The following XXYLT1 variants were observed in gnomAD, a reference collection of about 807,000 sequenced individuals.
The protein encoded by XXYLT1 is xyloside xylosyltransferase 1, also known as UDP-xylose:alpha-xyloside alpha-1,3-xylosyltransferase.
In XXYLT1, 20 loss-of-function variants were observed where a neutral mutation model predicts 28.9. The observed-to-expected ratio is 0.69, with a 90% CI of 0.49 to 1.00. The LOEUF is 1.00. Among genes scored for constraint, XXYLT1 ranks in the 50% least tolerant of loss-of-function variants. The pLI is 0.00. For synonymous variants in XXYLT1, 257 were observed against 253.8 expected (o/e 1.01, Z -0.12); for missense variants, 542 against 560.1 (o/e 0.97, Z 0.33).
chr3:195,200,305 C>A (rs1232734604), intron 2 of XXYLT1, among the ~76,000 whole-genome samples: 1 of 152,216 alleles, frequency 6.6e-6, no homozygotes, highest in Non-Finnish European at 1.5e-5. Context: ...GCTGGGTGAC[C>A]CTGGCCATGT....
At chr3:195,143,825 TATATAGATATAG>T (rs1202804932) in intron 3 of XXYLT1, among the ~76,000 whole-genome samples, 12 of 93,858 alleles carry the variant, frequency 1.3e-4, no homozygotes, top group African/African-American at 4.8e-4. Context: ...GATATAGATA[TATATAGATATAG>T]ATATAGATAT....
chr3:195,151,565 A>G (rs1317583913), intron 3 of XXYLT1, among the ~76,000 whole-genome samples: 1 of 151,928 alleles, frequency 6.6e-6, no homozygotes, highest in Non-Finnish European at 1.5e-5. Context: ...TTAAATTTCA[A>G]TATACAATAA....
chr3:195,092,866 G>A (rs1457093771), intron 3 of XXYLT1, among the ~76,000 whole-genome samples: 3 of 110,240 alleles, frequency 2.7e-5, no homozygotes, highest in Non-Finnish European at 5.1e-5. Context: ...AAAAGTGGGC[G>A]AAGGACATGA....
intron 2 of XXYLT1, among the ~76,000 whole-genome samples, chr3:195,206,693 T>C (rs1338379385): frequency 6.6e-6 from 1 of 151,448 alleles, no homozygotes; most frequent in Non-Finnish European, 1.5e-5. Flanking sequence ...CACTTGAACC[T>C]GGAAGGCAGA....
rs1163753322 is a variant in XXYLT1 at position 195,150,840 on chromosome 3, TCTCTCACACA to T, written c.785+5599_785+5608del. ...CACACACACTCACACATACGCACAC[TCTCTCACACA>T]CTCTCACACACACACACACTCTCTC... On this transcript the variant is annotated intron_variant, in intron 3 of 3. Coordinates refer to ENST00000310380, the MANE Select transcript of XXYLT1 (RefSeq NM_152531.5). The surrounding 1 kb of genome is among the most constrained non-coding windows in gnomAD (Gnocchi z 4.7). 1.3e-3 allele frequency among the ~76,000 whole-genome samples: 140 copies of T among 104,654 alleles called. 1 individual carries two copies. Among genetic ancestry groups the T allele is most frequent in the African/African-American group, 5.8e-3 (130 of 22,392 alleles). The allele number at this position is 104,654 out of a possible 152,430, so 68.7% of individuals were successfully genotyped here.
chr3:195,155,006 C>A (rs1024147695), intron 3 of XXYLT1, among the ~76,000 whole-genome samples: 2 of 152,194 alleles, frequency 1.3e-5, no homozygotes, highest in African/African-American at 4.8e-5. Context: ...GTTAAGATGG[C>A]AGGTGTCTGC....
At chr3:195,118,355 T>C (rs565349431) in intron 3 of XXYLT1, among the ~76,000 whole-genome samples, 5 of 152,272 alleles carry the variant, frequency 3.3e-5, no homozygotes, top group African/African-American at 1.2e-4. Context: ...CCTTCTAATT[T>C]CCTTAGGAGC....
chr3:195,215,981 C>G (rs2108786854), intron 2 of XXYLT1, among the ~76,000 whole-genome samples: 1 of 151,518 alleles, frequency 6.6e-6, no homozygotes, highest in Admixed American at 6.6e-5. Context: ...TCTCTCAGAC[C>G]ACAGTGCAAT....
intron 2 of XXYLT1, among the ~76,000 whole-genome samples, chr3:195,190,723 G>A (rs949410908): frequency 6.6e-5 from 10 of 151,912 alleles, no homozygotes; most frequent in Admixed American, 2.0e-4. Flanking sequence ...GGTTTATAAC[G>A]TATATAAACA....
intron 1 of XXYLT1, among the ~76,000 whole-genome samples, chr3:195,262,630 T>G (rs147547962): frequency 2.2e-3 from 328 of 152,284 alleles, no homozygotes; most frequent in Middle Eastern, 6.8e-3. Flanking sequence ...CCCACAGATT[T>G]TATAAATCCC....
intron 3 of XXYLT1, among the ~76,000 whole-genome samples, chr3:195,097,813 C>T (rs113684386): frequency 6.6e-6 from 1 of 152,074 alleles, no homozygotes; most frequent in African/African-American, 2.4e-5. Context: ...ACACAAATGC[C>T]CCCACCCCCC....
chr3:195,192,352 G>A (rs1295394643), intron 2 of XXYLT1, among the ~76,000 whole-genome samples: 1 of 151,300 alleles, frequency 6.6e-6, no homozygotes, highest in East Asian at 1.9e-4. Flanking sequence ...TTGAACCCAG[G>A]AAGCAGAGGT....
At chr3:195,167,888 T>C (rs972326394) in intron 2 of XXYLT1, among the ~76,000 whole-genome samples, 3 of 152,170 alleles carry the variant, frequency 2.0e-5, no homozygotes, top group African/African-American at 7.2e-5. Flanking sequence ...ATCCAAGTAC[T>C]TGAGGCAGCA....
Position 195,068,891 on chromosome 3 carries a change from T to C in XXYLT1, c.*824A>G, listed in dbSNP as rs1236349968. The C allele has an allele frequency of 2.0e-5, 3 of 152,174 alleles. No individual in the cohort carries two copies. The highest frequency in any genetic ancestry group is 4.4e-5 in the Non-Finnish European group (3 of 68,054). The allele number at this position is 152,174 out of a possible 1,614,324, so 9.4% of individuals were successfully genotyped here. ...ACGACTGTGCCCGGCCTGGGCTTTT[T>C]GGAATGAGTCTTCCTGGTCCCGACA... On this transcript the variant is annotated 3_prime_UTR_variant, in exon 4 of 4. Coordinates refer to ENST00000310380, the MANE Select transcript of XXYLT1 (RefSeq NM_152531.5).
intron 1 of XXYLT1, among the ~76,000 whole-genome samples, chr3:195,261,199 G>C (rs1317685511): frequency 6.6e-6 from 1 of 152,126 alleles, no homozygotes; most frequent in Admixed American, 6.5e-5. Flanking sequence ...TTGGGAGGCG[G>C]AGGCGGGCGG....
chr3:195,245,419 A>T (rs187248241), intron 1 of XXYLT1, among the ~76,000 whole-genome samples: 2 of 151,950 alleles, frequency 1.3e-5, no homozygotes, highest in African/African-American at 4.8e-5. Context: ...GGCCTCCCAA[A>T]GTGCTGGGAT....
rs1186006150 is a variant in XXYLT1, at chr3:195,150,664, G to A, written c.785+5785C>T. On this transcript the variant is annotated intron_variant, in intron 3 of 3. Coordinates refer to ENST00000310380, the MANE Select transcript of XXYLT1 (RefSeq NM_152531.5). The surrounding 1 kb of genome is among the most constrained non-coding windows in gnomAD (Gnocchi z 4.7). ...CACACGGCTGCCCGCAGAGCCTGGG[G>A]AGAATGAAACCGGAAGCCTATGCCG... 6.6e-6 allele frequency among the ~76,000 whole-genome samples: 1 copy of A among 152,170 alleles called. No individual in the cohort carries two copies. Among genetic ancestry groups the A allele is most frequent in the Non-Finnish European group, 1.5e-5 (1 of 68,038 alleles).
chr3:195,127,246 T>G (rs1718686504), intron 3 of XXYLT1, among the ~76,000 whole-genome samples: 1 of 152,052 alleles, frequency 6.6e-6, no homozygotes, highest in African/African-American at 2.4e-5. Context: ...GGAATCTAAG[T>G]TTGGGGAGTA....
chr3:195,167,139 G>A (rs1721167356), intron 2 of XXYLT1, among the ~76,000 whole-genome samples: 1 of 152,238 alleles, frequency 6.6e-6, no homozygotes, highest in African/African-American at 2.4e-5. Flanking sequence ...TCCTATCACT[G>A]TGACGTTAAC....
Sources: gnomAD v4.1 joint callset for allele counts (sites outside exome capture counted in the v4.1 genomes callset) on GRCh38, gnomAD v4.1.1 for gene constraint, Gnocchi (gnomAD v3.1) non-coding constraint, MANE v1.5 for transcripts, NCBI Gene and HGNC (gene_info 2026-07-23, HGNC 2026-07-21) for gene names.